Variants in PCAT7 observed in about 807,000 individuals in gnomAD.
PCAT7 encodes the protein prostate cancer associated transcript 7 (non-protein coding).
At chr9:94,571,581 C>A in intron 2 of PCAT7, 1 of 1,613,558 alleles carries the variant, frequency 6.2e-7, no homozygotes, top group Non-Finnish European at 8.5e-7. Flanking sequence ...GCATCCTTTT[C>A]AGAAGGCTCA....
chr9:94,571,543 G>T (rs73531436), intron 2 of PCAT7: 3 of 1,613,814 alleles, frequency 1.9e-6, no homozygotes, highest in South Asian at 1.1e-5. Context: ...CATAACCTGC[G>T]GCCACAATAT....
At chr9:94,566,926 C>G (rs959669417) in intron 2 of PCAT7, among the ~76,000 whole-genome samples, 1 of 150,848 alleles carries the variant, frequency 6.6e-6, no homozygotes, top group African/African-American at 2.5e-5. Flanking sequence ...ATTCTAAAAG[C>G]AAATGCAACT....
rs772380672 is a variant in PCAT7 at position 94,571,531 on chromosome 9, C to T, written n.442-1448C>T. Reference sequence around the variant, plus strand: ...CCACCAGGGTTGCACTACCGTACAGCGCATAACCTGCGGCCACAATATTGC... The same window carrying T: ...CCACCAGGGTTGCACTACCGTACAGTGCATAACCTGCGGCCACAATATTGC... On this transcript the variant is annotated intron_variant and non_coding_transcript_variant, in intron 2 of 8. Coordinates refer to ENST00000647389, the Ensembl canonical transcript of PCAT7. 9.9e-6 allele frequency: 16 copies of T among 1,613,864 alleles called. No individual in the cohort carries two copies. In the South Asian group the frequency reaches 1.2e-4, roughly 12 times the overall value.
chr9:94,567,140 A>T, intron 2 of PCAT7: 2 of 855,688 alleles, frequency 2.3e-6, no homozygotes, highest in Non-Finnish European at 3.7e-6. Flanking sequence ...AGAGTCCATC[A>T]TCTTCATACT....
chr9:94,555,811 G>C (rs1826999549), intron 1 of PCAT7, among the ~76,000 whole-genome samples: 1 of 151,786 alleles, frequency 6.6e-6, no homozygotes, highest in Non-Finnish European at 1.5e-5. Flanking sequence ...GAGGGAAAGA[G>C]GGTGACAAGG....
chr9:94,563,260 G>T, intron 2 of PCAT7: 18 of 1,498,628 alleles, frequency 1.2e-5, no homozygotes, highest in Non-Finnish European at 1.6e-5. Flanking sequence ...AAGCAGTGCA[G>T]TAGCCAAACA....
At chr9:94,572,140 T>C (rs1403879257) in intron 2 of PCAT7, among the ~76,000 whole-genome samples, 1 of 152,188 alleles carries the variant, frequency 6.6e-6, no homozygotes, top group Non-Finnish European at 1.5e-5. Context: ...TGGATGCTCC[T>C]TCTCACTTGC....
chr9:94,554,775 C>CCCAGGCT (rs527852807), upstream of PCAT7, among the ~76,000 whole-genome samples: 103 of 151,074 alleles, frequency 6.8e-4, no homozygotes, highest in Middle Eastern at 3.4e-3. Flanking sequence ...GAGGGAGTGC[C>CCCAGGCT]CCAGGCTCCA....
chr9:94,564,302 A>G (rs1326250729), intron 2 of PCAT7, among the ~76,000 whole-genome samples: 1 of 152,190 alleles, frequency 6.6e-6, no homozygotes, highest in Non-Finnish European at 1.5e-5. Flanking sequence ...CGGCCATCTC[A>G]TTACTGGGTA....
chr9:94,570,653 G>T (rs1369504604), intron 2 of PCAT7: 1 of 152,176 alleles, frequency 6.6e-6, no homozygotes, highest in East Asian at 1.9e-4. Context: ...GGAAATTGGG[G>T]CATTAGCAAA....
Position 94,571,383 on chromosome 9 carries a change from A to G in PCAT7, n.442-1596A>G, listed in dbSNP as rs1267133589. 51 of 1,387,774 alleles carry G rather than the reference A, an allele frequency of 3.7e-5. No homozygotes were observed. The Admixed American group carries it at 1.2e-3, about 32-fold the overall frequency. 86.0% of individuals were successfully genotyped at this position (1,387,774 alleles called of 1,614,324 possible). Reference sequence around the variant, plus strand: ...AACAAGTATTAGGAATAACCAGGACATTATCGCAGAGAACTGGCATTAAGG... The same window carrying G: ...AACAAGTATTAGGAATAACCAGGACGTTATCGCAGAGAACTGGCATTAAGG... On this transcript the variant is annotated intron_variant and non_coding_transcript_variant, in intron 2 of 8. Coordinates refer to ENST00000647389, the Ensembl canonical transcript of PCAT7.
chr9:94,570,727 T>C (rs1438208875), intron 2 of PCAT7: 1 of 152,174 alleles, frequency 6.6e-6, no homozygotes, highest in Admixed American at 6.5e-5. Flanking sequence ...TTGAAAAGTT[T>C]CTGGGTTTCC....
chr9:94,567,245 C>T, intron 2 of PCAT7: 1 of 1,613,464 alleles, frequency 6.2e-7, no homozygotes, highest in South Asian at 1.1e-5. Flanking sequence ...TTCTGTCTGC[C>T]ACCCACCTGG....
intron 1 of PCAT7, among the ~76,000 whole-genome samples, chr9:94,558,190 C>G (rs1284555457): frequency 2.6e-5 from 4 of 152,176 alleles, no homozygotes; most frequent in Admixed American, 1.3e-4. Context: ...AAATAAGACA[C>G]AAATACTCTT....
chr9:94,572,670 C>T (rs1827281735), intron 2 of PCAT7, among the ~76,000 whole-genome samples: 1 of 152,106 alleles, frequency 6.6e-6, no homozygotes, highest in Non-Finnish European at 1.5e-5. Context: ...TCACCTAGCA[C>T]AATCCAGTCC....
At chr9:94,565,785 TAGA>T (rs764153379) in intron 2 of PCAT7, among the ~76,000 whole-genome samples, 4 of 146,060 alleles carry the variant, frequency 2.7e-5, no homozygotes, top group Non-Finnish European at 4.5e-5. Context: ...GATAGATAGA[TAGA>T]TGATAGATAG....
At chr9:94,560,376 A>G (rs890988518) in intron 2 of PCAT7, among the ~76,000 whole-genome samples, 1 of 152,144 alleles carries the variant, frequency 6.6e-6, no homozygotes, top group Non-Finnish European at 1.5e-5. Context: ...TGGACTTTTT[A>G]GGTCTATTTC....
intron 1 of PCAT7, chr9:94,558,664 C>T (rs1029755729): frequency 3.9e-5 from 15 of 383,508 alleles, no homozygotes; most frequent in South Asian, 3.5e-4. Context: ...GGTTGACAGA[C>T]GGAATTATAA....
intron 2 of PCAT7, chr9:94,571,624 G>T (rs145254842): frequency 6.2e-7 from 1 of 1,601,078 alleles, no homozygotes; most frequent in African/African-American, 1.3e-5. Context: ...AGGGATAAAT[G>T]CCATGTGTTA....
Sources: allele counts gnomAD v4.1 joint callset (sites outside exome capture counted in the v4.1 genomes callset), GRCh38; gene constraint gnomAD v4.1.1; transcripts MANE v1.5; gene names NCBI Gene and HGNC (gene_info 2026-07-23, HGNC 2026-07-21).